The following PLA2G4A variants were observed in gnomAD, a reference collection of about 807,000 sequenced individuals.
PLA2G4A encodes phospholipase A2 group IVA.
In PLA2G4A, 40 loss-of-function variants were observed where a neutral mutation model predicts 81.9. The observed-to-expected ratio is 0.49, with a 90% CI of 0.38 to 0.64. PLA2G4A has a LOEUF of 0.64. Among genes scored for constraint, PLA2G4A ranks in the 30% least tolerant of loss-of-function variants. The pLI, the probability that PLA2G4A is intolerant of heterozygous loss-of-function variation, is 0.00. For missense variants in PLA2G4A, 715 were observed against 905.1 expected (o/e 0.79, Z 2.69); for synonymous variants, 302 against 296.9 (o/e 1.02, Z -0.18).
chr1:186,859,178 A>T (rs900999997), intron 2 of PLA2G4A, among the ~76,000 whole-genome samples: 7 of 152,100 alleles, frequency 4.6e-5, no homozygotes, highest in Admixed American at 4.6e-4. Context: ...ATGCAGGGAC[A>T]TGTTGGAGAA....
At chr1:186,944,030 AAAG>A (rs1207815512) in intron 10 of PLA2G4A, among the ~76,000 whole-genome samples, 2 of 152,198 alleles carry the variant, frequency 1.3e-5, no homozygotes, top group African/African-American at 4.8e-5. Flanking sequence ...ACTGATAAGA[AAAG>A]AATAGATGGA....
chr1:186,913,283 A>G (rs1655027767), intron 7 of PLA2G4A, among the ~76,000 whole-genome samples: 1 of 152,036 alleles, frequency 6.6e-6, no homozygotes, highest in South Asian at 2.1e-4. Context: ...ACAAATATTG[A>G]AAGTAAAATC....
chr1:186,853,353 A>G (rs904405310), intron 1 of PLA2G4A, among the ~76,000 whole-genome samples: 2 of 151,428 alleles, frequency 1.3e-5, no homozygotes, highest in Admixed American at 1.3e-4. Flanking sequence ...CATAATGAAA[A>G]TGGTGATTAC....
At position 186,988,377 on chromosome 1, in the gene PLA2G4A, G is replaced by A. The variant is rs1453637432; in HGVS notation, c.2119G>A (p.Val707Met). 1 of 1,610,028 alleles carries A rather than the reference G, an allele frequency of 6.2e-7. No individual in the cohort carries two copies. The highest frequency in any genetic ancestry group is 8.5e-7 in the Non-Finnish European group (1 of 1,176,780). The change falls in exon 18 of 18, where the codon GTG becomes ATG. Residue 707 changes from valine to methionine, a missense_variant and splice_region_variant. Coordinates refer to ENST00000367466, the MANE Select transcript of PLA2G4A (RefSeq NM_024420.3). ...ATACAACTTCTGTCTCTATTTGCAG[G>A]TGATAAAAGAAGCCATGGTTGAAAG... ...MHFNTLNNIDVIKEAMVESIE... is the reference protein window; with the variant it reads ...MHFNTLNNIDMIKEAMVESIE...
chr1:186,892,023 T>C (rs1654160863), intron 3 of PLA2G4A, among the ~76,000 whole-genome samples: 2 of 152,188 alleles, frequency 1.3e-5, no homozygotes, highest in South Asian at 4.1e-4. Flanking sequence ...AATTTTGATT[T>C]GCGTTTCTCT....
chr1:186,917,934 G>A (rs115553990), intron 7 of PLA2G4A, among the ~76,000 whole-genome samples: 3,389 of 152,316 alleles, frequency 0.022, 60 homozygotes, highest in Admixed American at 0.058. Context: ...AGTGTGAGAC[G>A]TAGAAGTACC....
chr1:186,856,926 A>C (rs1055852899), intron 2 of PLA2G4A, among the ~76,000 whole-genome samples: 3 of 149,656 alleles, frequency 2.0e-5, no homozygotes, highest in Non-Finnish European at 3.0e-5. Context: ...ATTCAAGGAA[A>C]TGAAAGAAGT....
intron 14 of PLA2G4A, among the ~76,000 whole-genome samples, chr1:186,958,850 T>C (rs1342630053): frequency 6.6e-6 from 1 of 152,200 alleles, no homozygotes; most frequent in Non-Finnish European, 1.5e-5. Context: ...TTGGTGGTGT[T>C]GGGGTTACCA....
intron 1 of PLA2G4A, among the ~76,000 whole-genome samples, chr1:186,842,334 C>T (rs936543274): frequency 7.9e-5 from 12 of 152,058 alleles, no homozygotes; most frequent in African/African-American, 1.2e-4. Flanking sequence ...TGAGCCACTG[C>T]GCCCGGCTGC....
intron 1 of PLA2G4A, among the ~76,000 whole-genome samples, chr1:186,850,115 C>T (rs1258402039): frequency 6.6e-6 from 1 of 152,114 alleles, no homozygotes; most frequent in Non-Finnish European, 1.5e-5. Context: ...ATTCAGTGGG[C>T]TGTTACCAGC....
chr1:186,905,698 T>TCACA (rs71104895), intron 5 of PLA2G4A, among the ~76,000 whole-genome samples: 5,553 of 148,962 alleles, frequency 0.037, 313 homozygotes, highest in African/African-American at 0.12. Flanking sequence ...CTCCTCCTCC[T>TCACA]CACACACACA....
chr1:186,948,559 G>T (rs1656423165), intron 12 of PLA2G4A, among the ~76,000 whole-genome samples: 1 of 151,852 alleles, frequency 6.6e-6, no homozygotes, highest in Non-Finnish European at 1.5e-5. Flanking sequence ...CACATATTGA[G>T]GCTTGCTTCC....
chr1:186,906,917 A>G, intron 5 of PLA2G4A, 48 bp from the exon 6 acceptor site: 1 of 936,230 alleles, frequency 1.1e-6, no homozygotes, highest in Non-Finnish European at 1.7e-6. Context: ...CATGATATAA[A>G]CACATATCTA....
At chr1:186,892,859 T>G (rs1324637290) in intron 3 of PLA2G4A, 152 bp from the exon 4 acceptor site, 3 of 651,320 alleles carry the variant, frequency 4.6e-6, no homozygotes, top group Non-Finnish European at 8.1e-6. Context: ...CCCTATGATG[T>G]TTTTCTATTA....
intron 5 of PLA2G4A, among the ~76,000 whole-genome samples, chr1:186,897,833 A>C (rs1409831036): frequency 1.3e-5 from 2 of 152,152 alleles, no homozygotes; most frequent in Non-Finnish European, 2.9e-5. Context: ...TGTTAGGTTC[A>C]GGAGGTACAT....
Position 186,911,281 on chromosome 1 carries a change from G to A in PLA2G4A, c.450G>A (p.Leu150=), listed in dbSNP as rs768033627. 5.6e-5 allele frequency: 90 copies of A among 1,612,130 alleles called. No homozygotes were observed. The highest frequency in any genetic ancestry group is 7.5e-5 in the Non-Finnish European group (88 of 1,178,312). Residue 150 remains leucine, a synonymous_variant, in exon 7 of 18, where the codon CTG becomes CTA. Transcript: ENST00000367466. The stretch of plus-strand genomic sequence containing the variant: ...CAGACCTACGATTTAGTATGGCTCT[G>A]TGTGATCAGGAGAAGACTTTCAGAC... ...SCPDLRFSMA[L]CDQEKTFRQQ...
At chr1:186,854,457 G>A in intron 2 of PLA2G4A, 70 bp downstream of exon 2, 1 of 998,748 alleles carries the variant, frequency 1.0e-6, no homozygotes. Context: ...TATTGCGGGT[G>A]TTGCTAGTAA....
chr1:186,927,588 G>A (rs1655593485), intron 7 of PLA2G4A, among the ~76,000 whole-genome samples: 1 of 152,200 alleles, frequency 6.6e-6, no homozygotes, highest in African/African-American at 2.4e-5. Flanking sequence ...CTTGTCATCA[G>A]AGTGTAAAAG....
rs893601144 is a variant in PLA2G4A at position 186,897,316 on chromosome 1, G to A, written c.378+3105G>A. ...TTGGAGTCGAAACTGGGAATTGAGA[G>A]AATGGACCCTCGTTTTGTCTCTGTC... is the stretch of plus-strand genomic sequence containing the variant. On this transcript the variant is annotated intron_variant, in intron 5 of 17. Transcript: ENST00000367466. Among the ~76,000 whole-genome samples, 15 of 152,056 alleles carry A rather than the reference G, an allele frequency of 9.9e-5. 1 individual carries two copies. The highest frequency in any genetic ancestry group is 3.6e-4 in the African/African-American group (15 of 41,412).
Sources: allele counts gnomAD v4.1 joint callset (sites outside exome capture counted in the v4.1 genomes callset), GRCh38; gene constraint gnomAD v4.1.1; transcripts MANE v1.5; gene names NCBI Gene and HGNC (gene_info 2026-07-23, HGNC 2026-07-21).